The following CPPED1 variants were observed in gnomAD, a reference collection of about 807,000 sequenced individuals.
The protein encoded by CPPED1 is serine/threonine-protein phosphatase CPPED1.
In CPPED1, 28 loss-of-function variants were observed where a neutral mutation model predicts 28.0. The ratio of observed to expected loss-of-function variants is 1.00; its 90% CI spans 0.74 to 1.37. The LOEUF is 1.37. Ranked by LOEUF, CPPED1 falls within the 40% of genes most tolerant of loss-of-function variation. CPPED1 has a pLI of 0.00. For missense variants in CPPED1, 504 were observed against 416.5 expected (o/e 1.21, Z -1.83); for synonymous variants, 198 against 180.2 (o/e 1.10, Z -0.79).
chr16:12,699,647 C>G (rs2080009845), intron 3 of CPPED1, among the ~76,000 whole-genome samples: 1 of 152,062 alleles, frequency 6.6e-6, no homozygotes, highest in Non-Finnish European at 1.5e-5. Context: ...GAGATGTGCT[C>G]TTTAAAAGGG....
At chr16:12,731,930 A>G (rs2080199917) in intron 2 of CPPED1, among the ~76,000 whole-genome samples, 1 of 151,976 alleles carries the variant, frequency 6.6e-6, no homozygotes, top group Non-Finnish European at 1.5e-5. Context: ...TGGGAGGCCA[A>G]GGTGGGTGGA....
At chr16:12,714,508 T>C (rs2080096933) in intron 2 of CPPED1, among the ~76,000 whole-genome samples, 2 of 152,346 alleles carry the variant, frequency 1.3e-5, no homozygotes, top group Admixed American at 6.5e-5. Flanking sequence ...AATTTCATTG[T>C]GGTTTCTATT....
At chr16:12,750,710 C>A (rs2080322155) in intron 2 of CPPED1, among the ~76,000 whole-genome samples, 1 of 152,150 alleles carries the variant, frequency 6.6e-6, no homozygotes, top group Non-Finnish European at 1.5e-5. Flanking sequence ...GTGGCTCACG[C>A]CTATAGTCCC....
intron 2 of CPPED1, among the ~76,000 whole-genome samples, chr16:12,705,661 G>C (rs950086649): frequency 3.9e-5 from 6 of 152,308 alleles, no homozygotes; most frequent in South Asian, 2.1e-4. Context: ...GGCAGGGTGA[G>C]GCAGGAGAAT....
chr16:12,795,619 C>T (rs149583884), intron 1 of CPPED1, among the ~76,000 whole-genome samples: 2 of 152,128 alleles, frequency 1.3e-5, no homozygotes, highest in Admixed American at 6.5e-5. Context: ...GGATTACAGG[C>T]GTGAGCCACT....
In CPPED1 at chr16:12,716,617, T is replaced by A. The variant is rs529422537; in HGVS notation, c.290-11568A>T. On this transcript the variant is annotated intron_variant, in intron 2 of 3. Transcript: ENST00000381774. ...TATTTGGGATTTTAAATACGCAACC[T>A]AATGAAAAGTCAATTAAGAGTTTTA... 2.0e-5 allele frequency among the ~76,000 whole-genome samples: 3 copies of A among 152,360 alleles called. No homozygotes were observed. In the South Asian group the frequency reaches 6.2e-4, roughly 32 times the overall value.
At chr16:12,694,940 G>A (rs936068382) in intron 3 of CPPED1, among the ~76,000 whole-genome samples, 2 of 152,016 alleles carry the variant, frequency 1.3e-5, no homozygotes, top group African/African-American at 2.4e-5. Context: ...ACCACACCCT[G>A]CTAATTTTTA....
At chr16:12,754,265 C>T (rs964473537) in intron 2 of CPPED1, among the ~76,000 whole-genome samples, 7 of 152,128 alleles carry the variant, frequency 4.6e-5, no homozygotes, top group South Asian at 2.1e-4. Flanking sequence ...TAGAACATTT[C>T]GACAGAGTGT....
At chr16:12,738,936 G>A (rs948364979) in intron 2 of CPPED1, among the ~76,000 whole-genome samples, 5 of 152,182 alleles carry the variant, frequency 3.3e-5, no homozygotes, top group African/African-American at 1.2e-4. Context: ...AAAGTTAAAT[G>A]AAGGAGTTTT....
rs76774297 is a variant in CPPED1 at position 12,783,672 on chromosome 16, G to C, written c.71-2269C>G. 3.9e-4 allele frequency among the ~76,000 whole-genome samples: 60 copies of C among 152,048 alleles called. No individual in the cohort carries two copies. The East Asian group carries it at 0.011, about 27-fold the overall frequency. On this transcript the variant is annotated intron_variant, in intron 1 of 3. Transcript: ENST00000381774. ...CTGAGCTCACTATCACCTTAGAATGGACTCTGGTTTCAAGCCTCCTTTCCC... is the reference window on the plus strand; with the variant it reads ...CTGAGCTCACTATCACCTTAGAATGCACTCTGGTTTCAAGCCTCCTTTCCC...
chr16:12,803,690 T>A lies in CPPED1; in HGVS notation c.70+17A>T, dbSNP rs1296757413. The A allele has an allele frequency of 6.5e-7, 1 of 1,535,598 alleles. No individual in the cohort carries two copies. Among genetic ancestry groups the A allele is most frequent in the Non-Finnish European group, 8.8e-7 (1 of 1,140,512 alleles). ...GCAGCCCCAGAGTCCCCTCCCCGGG[T>A]GAGGGGCGGGCAGTACCTGCGGGAA... On this transcript the variant is annotated intron_variant, in intron 1 of 3. Transcript: ENST00000381774.
Position 12,803,688 on chromosome 16 carries a change from G to A in CPPED1, c.70+19C>T, listed in dbSNP as rs746655786. 6 of 1,534,872 alleles carry A rather than the reference G, an allele frequency of 3.9e-6. No individual in the cohort carries two copies. In the Admixed American group the frequency reaches 6.2e-5, roughly 16 times the overall value. On this transcript the variant is annotated intron_variant, in intron 1 of 3. Coordinates refer to ENST00000381774, the MANE Select transcript of CPPED1 (RefSeq NM_018340.3). ...CCGCAGCCCCAGAGTCCCCTCCCCG[G>A]GTGAGGGGCGGGCAGTACCTGCGGG...
At chr16:12,668,285 T>C (rs2079836323) in intron 3 of CPPED1, among the ~76,000 whole-genome samples, 1 of 152,218 alleles carries the variant, frequency 6.6e-6, no homozygotes, top group Admixed American at 6.5e-5. Context: ...AATTAACTAT[T>C]GATTTTTTTA....
intron 2 of CPPED1, among the ~76,000 whole-genome samples, chr16:12,773,006 T>G (rs1257901396): frequency 1.3e-5 from 2 of 152,188 alleles, no homozygotes; most frequent in Non-Finnish European, 2.9e-5. Flanking sequence ...CCTTTGTCAC[T>G]TGGAAGGCAG....
At chr16:12,792,483 G>C (rs1027036031) in intron 1 of CPPED1, among the ~76,000 whole-genome samples, 5 of 152,070 alleles carry the variant, frequency 3.3e-5, no homozygotes, top group African/African-American at 1.2e-4. Flanking sequence ...AACAATGCTG[G>C]GGGGTTGAAA....
intron 2 of CPPED1, among the ~76,000 whole-genome samples, chr16:12,766,423 G>A (rs935176486): frequency 2.0e-5 from 3 of 149,624 alleles, no homozygotes; most frequent in African/African-American, 7.6e-5. Context: ...GGCAGAAGGC[G>A]TTTCTTACAT....
chr16:12,723,552 G>T (rs939565577), intron 2 of CPPED1, among the ~76,000 whole-genome samples: 3 of 152,164 alleles, frequency 2.0e-5, no homozygotes, highest in Non-Finnish European at 4.4e-5. Context: ...TGCAAGGCAA[G>T]GAGAGAGGCC....
chr16:12,666,798 T>C (rs562247705), intron 3 of CPPED1, among the ~76,000 whole-genome samples: 74 of 152,348 alleles, frequency 4.9e-4, no homozygotes, highest in African/African-American at 1.4e-3. Flanking sequence ...CTTTTTAATA[T>C]AATCTATTTA....
rs546065654 is a variant in CPPED1 at position 12,781,213 on chromosome 16, C to T, written c.261G>A (p.Leu87=). The part of the protein sequence containing the change: ...KLNPKPKFFV[L]CGDLIHAMPG... ...GCATGGCGTGGATGAGGTCGCCGCA[C>T]AGAACGAAGAATTTGGGTTTGGGGT... The change falls in exon 2 of 4, where the codon CTG becomes CTA. Residue 87 remains leucine, a synonymous_variant. Transcript: ENST00000381774. 7.9e-5 allele frequency: 127 copies of T among 1,613,870 alleles called. No homozygotes were observed. Among genetic ancestry groups the T allele is most frequent in the Non-Finnish European group, 1.0e-4 (122 of 1,179,912 alleles).
Sources: gnomAD v4.1 joint callset for allele counts (sites outside exome capture counted in the v4.1 genomes callset) on GRCh38, gnomAD v4.1.1 for gene constraint, MANE v1.5 for transcripts, NCBI Gene and HGNC (gene_info 2026-07-23, HGNC 2026-07-21) for gene names.